The following NLRP4 variants were observed in gnomAD, a reference collection of about 807,000 sequenced individuals.
NLRP4 encodes the protein NLR family pyrin domain containing 4.
A neutral mutation model predicts 84.7 loss-of-function variants in NLRP4; 44 were observed. The ratio of observed to expected loss-of-function variants is 0.52; its 90% CI spans 0.41 to 0.67. NLRP4 has a LOEUF of 0.67. NLRP4 is among the 30% of genes least tolerant of loss of function. NLRP4 has a pLI of 0.00. For missense variants in NLRP4, 1,260 were observed against 1,219.4 expected, an observed-to-expected ratio of 1.03 and a Z score of -0.50; for synonymous variants, 544 against 476.4, an observed-to-expected ratio of 1.14 and a Z score of -1.85.
At chr19:55,848,267 A>C (rs424621) in intron 1 of NLRP4, among the ~76,000 whole-genome samples, 15,289 of 152,006 alleles carry the variant, frequency 0.1, 902 homozygotes, top group African/African-American at 0.14. Context: ...CCTTCCCATC[A>C]TATCATATGC....
Position 55,877,069 on chromosome 19 carries a change from A to G in NLRP4, c.2599A>G (p.Lys867Glu). 6.2e-7 allele frequency: 1 copy of G among 1,614,124 alleles called. No individual in the cohort carries two copies. Among genetic ancestry groups the G allele is most frequent in the Non-Finnish European group, 8.5e-7 (1 of 1,179,996 alleles). Residue 867 changes from lysine (K) to glutamate (E), a missense_variant, in exon 8 of 10, where the codon AAG (lysine) becomes GAG (glutamate). By Grantham distance (56) the Lys-to-Glu change is moderately conservative. Transcript: ENST00000301295. ...ASALISNQNL[K>E]ILQIGCNEIG... ...TGCTCTCATCAGCAATCAAAACCTG[A>G]AGATTCTGCAAATTGGGTGCAATGA...
At chr19:55,853,848 TCTTTCTC>T (rs1257950044) in intron 2 of NLRP4, among the ~76,000 whole-genome samples, 1 of 151,116 alleles carries the variant, frequency 6.6e-6, no homozygotes, top group Non-Finnish European at 1.5e-5. Flanking sequence ...TCTCGTTCTG[TCTTTCTC>T]TCTCTTCCTC....
intron 5 of NLRP4, among the ~76,000 whole-genome samples, chr19:55,863,826 T>C (rs1984855003): frequency 6.6e-6 from 1 of 152,190 alleles, no homozygotes; most frequent in South Asian, 2.1e-4. Context: ...CCAGTATGTA[T>C]GTTTTAATTC....
In NLRP4 at chr19:55,857,861, A is replaced by C; in HGVS notation, c.468A>C (p.Pro156=). 2 of 1,614,042 alleles carry C rather than the reference A, an allele frequency of 1.2e-6. No homozygotes were observed. Among genetic ancestry groups the C allele is most frequent in the Non-Finnish European group, 1.7e-6 (2 of 1,179,930 alleles). ...CACGTACAGTGATCATTCAAGGACC[A>C]CAAGGAATTGGAAAAACGACACTCC... ...KQPRTVIIQG[P]QGIGKTTLLM... The change falls in exon 3 of 10, where the codon CCA becomes CCC. Residue 156 remains proline, a synonymous_variant. Coordinates refer to ENST00000301295, the MANE Select transcript of NLRP4 (RefSeq NM_134444.5).
Position 55,856,339 on chromosome 19 carries a change from C to T in NLRP4, c.281-1335C>T, listed in dbSNP as rs17710196. Among the ~76,000 whole-genome samples, 9 of 151,842 alleles carry T rather than the reference C, an allele frequency of 5.9e-5. No individual in the cohort carries two copies. In the South Asian group the frequency reaches 8.3e-4, roughly 14 times the overall value. On this transcript the variant is annotated intron_variant, in intron 2 of 9. Transcript: ENST00000301295. ...AGCCTTCTGTTACAGAAGAGTCCAG[C>T]GTCTGTGTGTTCATGGAAGCTGGCA...
In NLRP4 at chr19:55,878,837, G is replaced by C. The variant is rs143710343; in HGVS notation, c.2740G>C (p.Ala914Pro). 29 of 1,613,554 alleles carry C rather than the reference G, an allele frequency of 1.8e-5. No homozygotes were observed. The Middle Eastern group carries it at 6.6e-4, about 37-fold the overall frequency. ...AACGAGCACCTGCTGTAAGGATCTC[G>C]CGTCTGTTCTCACCTGCAGTAAGAC... is the stretch of plus-strand genomic sequence containing the variant. ...GLTSTCCKDL[A>P]SVLTCSKTLQ... The change falls in exon 9 of 10, where the codon GCG becomes CCG. Residue 914 changes from alanine to proline, a missense_variant. Around this residue, in one of 3 missense-constraint regions of NLRP4, gnomAD observed 544 missense variants for 531.7 expected, o/e 1.02. Coordinates refer to ENST00000301295, the MANE Select transcript of NLRP4 (RefSeq NM_134444.5).
chr19:55,851,739 C>T (rs1218516670), intron 1 of NLRP4, among the ~76,000 whole-genome samples: 2 of 151,998 alleles, frequency 1.3e-5, no homozygotes, highest in East Asian at 1.9e-4. Flanking sequence ...TCCGAAGCTG[C>T]GGTGTAATTT....
chr19:55,858,491 G>A lies in NLRP4; in HGVS notation c.1098G>A (p.Gln366=). The change falls in exon 3 of 10, where the codon CAG becomes CAA. Residue 366 remains glutamine (Q), a synonymous_variant. Coordinates refer to ENST00000301295, the MANE Select transcript of NLRP4 (RefSeq NM_134444.5). The surrounding 1 kb of genome is among the most constrained non-coding windows in gnomAD (Gnocchi z 4.2). ...QKGKDLALTC[Q]STTSVYSSFV... ...GAAAAGACCTGGCCCTGACCTGCCA[G>A]AGCACTACCTCTGTGTACTCCTCTT... 1 of 1,614,126 alleles carries A rather than the reference G, an allele frequency of 6.2e-7. No individual in the cohort carries two copies. The highest frequency in any genetic ancestry group is 8.5e-7 in the Non-Finnish European group (1 of 1,180,032).
chr19:55,849,452 C>T (rs1983930430), intron 1 of NLRP4, among the ~76,000 whole-genome samples: 1 of 152,172 alleles, frequency 6.6e-6, no homozygotes, highest in African/African-American at 2.4e-5. Context: ...TGTACTTCCT[C>T]TAGTTCTGGA....
intron 1 of NLRP4, among the ~76,000 whole-genome samples, chr19:55,839,663 A>G (rs894719032): frequency 6.6e-6 from 1 of 152,092 alleles, no homozygotes; most frequent in Non-Finnish European, 1.5e-5. Context: ...TTAATTGCTC[A>G]TGTCTTCTTA....
Position 55,857,546 on chromosome 19 carries a change from G to A in NLRP4, c.281-128G>A, listed in dbSNP as rs1203121322. 13 of 729,298 alleles carry A rather than the reference G, an allele frequency of 1.8e-5. No homozygotes were observed. In the East Asian group the frequency reaches 2.5e-4, roughly 14 times the overall value. The allele number at this position is 729,298 out of a possible 1,614,324, so 45.2% of individuals were successfully genotyped here. On this transcript the variant is annotated intron_variant, in intron 2 of 9. Coordinates refer to ENST00000301295, the MANE Select transcript of NLRP4 (RefSeq NM_134444.5). ...GAAACTTTATTTACAAGAGGAGACT[G>A]ACCAGGTTTGGCCTGGGGGCCACAG...
At position 55,881,634 on chromosome 19, in the gene NLRP4, A is replaced by G; in HGVS notation, c.*47A>G. The stretch of plus-strand genomic sequence containing the variant: ...ACTCGAACACCTGCAAAGGACAGGG[A>G]CTGGGACCGTTACTTACATGACACT... On this transcript the variant is annotated 3_prime_UTR_variant, in exon 10 of 10. Transcript: ENST00000301295. The G allele has an allele frequency of 1.1e-6, 1 of 894,636 alleles. No individual in the cohort carries two copies. Among genetic ancestry groups the G allele is most frequent in the Non-Finnish European group, 1.8e-6 (1 of 541,388 alleles). The allele number at this position is 894,636 out of a possible 1,614,324, so 55.4% of individuals were successfully genotyped here.
rs1412077451 is a variant in NLRP4, at chr19:55,852,255, T to C, written c.175T>C (p.Leu59=). 10 of 1,609,106 alleles carry C rather than the reference T, an allele frequency of 6.2e-6. No homozygotes were observed. The highest frequency in any genetic ancestry group is 8.5e-6 in the Non-Finnish European group (10 of 1,178,566). The change falls in exon 2 of 10, where the codon TTG becomes CTG. Residue 59 remains leucine, a synonymous_variant. Coordinates refer to ENST00000301295, the MANE Select transcript of NLRP4 (RefSeq NM_134444.5). ...KASREELANL[L]IKHYEEQQAW... ...ATCCCGGGAAGAACTTGCAAACCTC[T>C]TGATCAAGCACTATGAAGAACAACA...
chr19:55,858,494 C>A lies in NLRP4; in HGVS notation c.1101C>A (p.Ser367Arg), dbSNP rs2123034111. Residue 367 changes from serine to arginine, a missense_variant, in exon 3 of 10, where the codon AGC becomes AGA. Transcript: ENST00000301295. The surrounding 1 kb of genome is among the most constrained non-coding windows in gnomAD (Gnocchi z 4.2). ...KGKDLALTCQ[S>R]TTSVYSSFVF... ...AAGACCTGGCCCTGACCTGCCAGAG[C>A]ACTACCTCTGTGTACTCCTCTTTCG... 1 of 1,614,164 alleles carries A rather than the reference C, an allele frequency of 6.2e-7. No homozygotes were observed. Among genetic ancestry groups the A allele is most frequent in the Non-Finnish European group, 8.5e-7 (1 of 1,180,040 alleles).
intron 1 of NLRP4, among the ~76,000 whole-genome samples, chr19:55,850,788 C>CCCGAGGCTGCGGTGTAATTT (rs1984079602): frequency 2.1e-5 from 1 of 47,552 alleles, no homozygotes; most frequent in Non-Finnish European, 3.7e-5. Flanking sequence ...CGGTGTAATT[C>CCCGAGGCTGCGGTGTAATTT]CCGAGGCTGC....
At chr19:55,851,593 A>AGGCTGCGGTGTAATGTCCGT (rs1568659986) in intron 1 of NLRP4, among the ~76,000 whole-genome samples, 52 of 80,212 alleles carry the variant, frequency 6.5e-4, no homozygotes, top group East Asian at 2.5e-3. Context: ...GTAATGTCCG[A>AGGCTGCGGTGTAATGTCCGT]GGCTGCGGTG....
At chr19:55,853,907 T>TC (rs1984296504) in intron 2 of NLRP4, among the ~76,000 whole-genome samples, 3 of 111,622 alleles carry the variant, frequency 2.7e-5, no homozygotes, top group South Asian at 5.6e-4. Context: ...CTCTCTCTCT[T>TC]TCTCTTTCTT....
chr19:55,861,873 T>C (rs1473124003), intron 4 of NLRP4, 119 bp from the exon 5 acceptor site: 5 of 771,272 alleles, frequency 6.5e-6, no homozygotes, highest in Non-Finnish European at 1.1e-5. Flanking sequence ...TACTGAGCTG[T>C]GTCATTGGGC....
At chr19:55,839,214 G>A (rs117875311) in intron 1 of NLRP4, among the ~76,000 whole-genome samples, 1 of 151,858 alleles carries the variant, frequency 6.6e-6, no homozygotes, top group Admixed American at 6.6e-5. Flanking sequence ...ACACTTCTGT[G>A]TGAGAACATG....
Sources: allele counts gnomAD v4.1 joint callset (sites outside exome capture counted in the v4.1 genomes callset), GRCh38; gene constraint gnomAD v4.1.1; regional missense constraint gnomAD v4.1.1; non-coding constraint Gnocchi (gnomAD v3.1); transcripts MANE v1.5; gene names NCBI Gene and HGNC (gene_info 2026-07-23, HGNC 2026-07-21).